CUL5: variants seen among roughly 807,000 people sequenced by gnomAD.
CUL5 encodes cullin 5.
In CUL5, 26 loss-of-function variants were observed where a neutral mutation model predicts 108.8. The observed-to-expected ratio is 0.24, with a 90% CI of 0.18 to 0.33. CUL5 has a LOEUF of 0.33. CUL5 is among the 10% of genes least tolerant of loss of function. The pLI is 1.00. For missense variants in CUL5, 524 were observed against 909.2 expected (o/e 0.58, Z 5.45); for synonymous variants, 334 against 298.0 (o/e 1.12, Z -1.25).
At chr11:108,061,452 C>G (rs924549888) in intron 7 of CUL5, among the ~76,000 whole-genome samples, 21 of 152,050 alleles carry the variant, frequency 1.4e-4, no homozygotes, top group Non-Finnish European at 2.2e-4. Flanking sequence ...CATAATTGTT[C>G]TCTTCATTTT....
intron 4 of CUL5, among the ~76,000 whole-genome samples, chr11:108,051,668 A>G (rs1396994417): frequency 1.3e-5 from 2 of 152,204 alleles, no homozygotes; most frequent in African/African-American, 4.8e-5. Flanking sequence ...TGGAACATCT[A>G]AACAGTAGAT....
In CUL5 at chr11:108,064,776, A is replaced by G. The variant is rs535259727; in HGVS notation, c.781-5320A>G. Among the ~76,000 whole-genome samples, 186 of 152,210 alleles carry G rather than the reference A, an allele frequency of 1.2e-3. 1 individual carries two copies. Among genetic ancestry groups the G allele is most frequent in the Admixed American group, 2.3e-3 (35 of 15,288 alleles). ...TATTTTGTTGAGGATTTTTGCATCA[A>G]TATTCATCAGTGATATTGGCCTGTA... On this transcript the variant is annotated intron_variant, in intron 7 of 18. Coordinates refer to ENST00000393094, the MANE Select transcript of CUL5 (RefSeq NM_003478.6).
intron 18 of CUL5, among the ~76,000 whole-genome samples, chr11:108,099,057 T>C (rs1205417101): frequency 2.1e-5 from 3 of 144,578 alleles, no homozygotes; most frequent in Non-Finnish European, 3.0e-5. Context: ...CAGGCTAGAG[T>C]GCAGTGGCAC....
chr11:108,010,171 C>G (rs907510419), intron 1 of CUL5, among the ~76,000 whole-genome samples: 3 of 152,242 alleles, frequency 2.0e-5, no homozygotes, highest in Non-Finnish European at 2.9e-5. Flanking sequence ...GTGTATGTGT[C>G]TGTAGTAGTT....
chr11:108,031,364 C>A (rs1482319357), intron 1 of CUL5, among the ~76,000 whole-genome samples: 2 of 139,788 alleles, frequency 1.4e-5, no homozygotes, highest in African/African-American at 2.6e-5. Context: ...GACTCTGTCT[C>A]AAAAAAAAAA....
chr11:108,073,315 A>G (rs1863869794), intron 9 of CUL5, 75 bp from the exon 10 acceptor site: 4 of 680,938 alleles, frequency 5.9e-6, no homozygotes, highest in Middle Eastern at 7.3e-4. Flanking sequence ...TTTTATTAAA[A>G]TTATGTTTAT....
intron 1 of CUL5, among the ~76,000 whole-genome samples, chr11:108,018,137 T>C (rs1294035319): frequency 6.6e-6 from 1 of 151,988 alleles, no homozygotes; most frequent in Non-Finnish European, 1.5e-5. Context: ...TTTTCTTAGG[T>C]TGGTTTGGGA....
intron 7 of CUL5, among the ~76,000 whole-genome samples, chr11:108,068,524 C>A (rs1248000242): frequency 6.6e-6 from 1 of 151,964 alleles, no homozygotes; most frequent in East Asian, 1.9e-4. Context: ...TATAATGAAT[C>A]CCCATTACCT....
At chr11:108,093,261 C>T (rs1454763240) in intron 13 of CUL5, among the ~76,000 whole-genome samples, 1 of 150,168 alleles carries the variant, frequency 6.7e-6, no homozygotes, top group Non-Finnish European at 1.5e-5. Context: ...GTCACACCCC[C>T]TGTAATTTGG....
intron 4 of CUL5, 91 bp from the exon 5 acceptor site, chr11:108,052,569 A>G: frequency 8.3e-7 from 1 of 1,199,084 alleles, no homozygotes; most frequent in Non-Finnish European, 1.2e-6. Flanking sequence ...GCCCAGGCCT[A>G]CAAATTTGAT....
At chr11:108,013,859 G>A (rs1591269062) in intron 1 of CUL5, among the ~76,000 whole-genome samples, 1 of 151,970 alleles carries the variant, frequency 6.6e-6, no homozygotes, top group Non-Finnish European at 1.5e-5. Context: ...ACCTGAGGCC[G>A]ACCTGGGCAA....
At chr11:108,101,340 A>G (rs1462745288) in intron 18 of CUL5, among the ~76,000 whole-genome samples, 1 of 152,232 alleles carries the variant, frequency 6.6e-6, no homozygotes, top group African/African-American at 2.4e-5. Context: ...TTTGGCAGCT[A>G]TGAAGTAGTT....
chr11:108,079,142 C>A (rs1170563459), intron 11 of CUL5, among the ~76,000 whole-genome samples: 1 of 152,170 alleles, frequency 6.6e-6, no homozygotes, highest in Non-Finnish European at 1.5e-5. Flanking sequence ...CTCACTCTGT[C>A]ACCCAGGCTG....
rs547129460 is a variant in CUL5 at position 108,010,170 on chromosome 11, T to G, written c.24+798T>G. Among the ~76,000 whole-genome samples, 3 of 152,396 alleles carry G rather than the reference T, an allele frequency of 2.0e-5. No individual in the cohort carries two copies. In the South Asian group the frequency reaches 6.2e-4, roughly 32 times the overall value. ...AGAACTAGTCTGTTCTGTGTATGTG[T>G]CTGTAGTAGTTAATCATTTGCCTTA... On this transcript the variant is annotated intron_variant, in intron 1 of 18. Transcript: ENST00000393094.
intron 1 of CUL5, among the ~76,000 whole-genome samples, chr11:108,026,505 A>G (rs1862454399): frequency 6.6e-6 from 1 of 152,104 alleles, no homozygotes; most frequent in Non-Finnish European, 1.5e-5. Context: ...ACCAGCACCT[A>G]CATGTACATT....
At chr11:108,074,333 T>TA (rs1159517756) in intron 10 of CUL5, among the ~76,000 whole-genome samples, 1 of 151,718 alleles carries the variant, frequency 6.6e-6, no homozygotes, top group Non-Finnish European at 1.5e-5. Flanking sequence ...TAGCTGGGAT[T>TA]ACAGGGACCA....
rs1359889521 is a variant in CUL5, at chr11:108,107,401, TAAACTC to T, written c.*3020_*3025del. The T allele has an allele frequency of 2.6e-5, 4 of 152,756 alleles. No homozygotes were observed. The highest frequency in any genetic ancestry group is 4.1e-4 in the South Asian group (2 of 4,826). The allele number at this position is 152,756 out of a possible 1,614,324, so 9.5% of individuals were successfully genotyped here. On this transcript the variant is annotated 3_prime_UTR_variant, in exon 19 of 19. Transcript: ENST00000393094. ...AGTTTTACAGAAAGATTTGCTATCTTAAACTCAAGCTGGTTTTTCTGTTCTCATGTA... is the reference window on the plus strand; with the variant it reads ...AGTTTTACAGAAAGATTTGCTATCTTAAGCTGGTTTTTCTGTTCTCATGTA...
At chr11:108,067,229 G>A (rs1458223748) in intron 7 of CUL5, among the ~76,000 whole-genome samples, 1 of 152,186 alleles carries the variant, frequency 6.6e-6, no homozygotes, top group Non-Finnish European at 1.5e-5. Context: ...TACAAAGTAA[G>A]TGCCCATTAA....
intron 1 of CUL5, among the ~76,000 whole-genome samples, chr11:108,016,012 C>T (rs766673495): frequency 1.2e-4 from 18 of 152,104 alleles, no homozygotes; most frequent in Non-Finnish European, 2.4e-4. Flanking sequence ...GTCTTGATCT[C>T]CCAGGATCAA....
Sources: allele counts gnomAD v4.1 joint callset (sites outside exome capture counted in the v4.1 genomes callset), GRCh38; gene constraint gnomAD v4.1.1; transcripts MANE v1.5; gene names NCBI Gene and HGNC (gene_info 2026-07-23, HGNC 2026-07-21).